Variants in DCLK1 observed in about 807,000 individuals in gnomAD.
The protein encoded by DCLK1 is serine/threonine-protein kinase DCLK1.
DCLK1 carries 16 observed loss-of-function variants against 86.2 expected under a neutral mutation model. The ratio of observed to expected loss-of-function variants is 0.19; its 90% confidence interval spans 0.13 to 0.28. The LOEUF (loss-of-function observed/expected upper bound fraction) is 0.28. Among genes scored for constraint, DCLK1 ranks in the 10% least tolerant of loss-of-function variants. The pLI, the probability that DCLK1 is intolerant of heterozygous loss-of-function variation, is 1.00. For missense variants in DCLK1, 590 were observed against 940.2 expected, an observed-to-expected ratio of 0.63 and a Z score of 4.87; for synonymous variants, 369 against 370.5, an observed-to-expected ratio of 1.00 and a Z score of 0.05.
rs188214071 is a variant in DCLK1 at position 35,958,782 on chromosome 13, C to A, written c.724-11325G>T. Among the ~76,000 whole-genome samples the A allele has an allele frequency of 1.1e-4, 16 of 152,276 alleles. No homozygotes were observed. In the East Asian group the frequency reaches 3.1e-3, roughly 29 times the overall value. On this transcript the variant is annotated intron_variant, in intron 3 of 16. Coordinates refer to ENST00000360631, the MANE Select transcript of DCLK1 (RefSeq NM_001330071.2). ...TTTAGGAATAAATTTACTTTTTTCA[C>A]CCATACTTAAATGCAGCTACTAAAG... is the stretch of plus-strand genomic sequence containing the variant.
intron 3 of DCLK1, among the ~76,000 whole-genome samples, chr13:35,987,041 GTATT>G (rs1214932637): frequency 2.0e-5 from 3 of 152,184 alleles, no homozygotes; most frequent in African/African-American, 7.2e-5. Context: ...GTGTAGAAAA[GTATT>G]TAAATTACCT....
chr13:36,094,153 C>T (rs577231928), intron 3 of DCLK1, among the ~76,000 whole-genome samples: 99 of 152,082 alleles, frequency 6.5e-4, no homozygotes, highest in Non-Finnish European at 1.2e-3. Flanking sequence ...CTTTTTTGAC[C>T]TGATATAAAT....
chr13:35,808,933 C>T, intron 13 of DCLK1, 85 bp downstream of exon 13: 1 of 1,159,920 alleles, frequency 8.6e-7, no homozygotes, highest in Non-Finnish European at 1.2e-6. Flanking sequence ...CTGCTGCAGG[C>T]TCCTTTGTGC....
chr13:36,095,013 G>A (rs756503443), intron 3 of DCLK1, among the ~76,000 whole-genome samples: 1 of 152,142 alleles, frequency 6.6e-6, no homozygotes, highest in South Asian at 2.1e-4. Context: ...AGAATTTCCA[G>A]CAAGTGACAG....
intron 3 of DCLK1, among the ~76,000 whole-genome samples, chr13:35,978,789 AGG>A (rs1879486806): frequency 6.6e-6 from 1 of 152,126 alleles, no homozygotes; most frequent in African/African-American, 2.4e-5. Context: ...TTTTTCTGTA[AGG>A]CCCCATTTCA....
chr13:35,834,911 C>G (rs1869244657), intron 8 of DCLK1, among the ~76,000 whole-genome samples: 1 of 152,184 alleles, frequency 6.6e-6, no homozygotes, highest in Non-Finnish European at 1.5e-5. Flanking sequence ...AAGGAGGACT[C>G]TGCTACCTGA....
At chr13:35,893,159 T>C (rs1873744066) in intron 4 of DCLK1, among the ~76,000 whole-genome samples, 1 of 152,216 alleles carries the variant, frequency 6.6e-6, no homozygotes, top group African/African-American at 2.4e-5. Context: ...ATCTGAGTAG[T>C]TTCCTTTAAG....
chr13:35,781,421 T>C (rs910230643), intron 16 of DCLK1, among the ~76,000 whole-genome samples: 5 of 152,216 alleles, frequency 3.3e-5, no homozygotes, highest in African/African-American at 1.2e-4. Context: ...ATATTCTTAA[T>C]ATCACCATCA....
chr13:35,774,795 C>CT (rs1249839694), intron 16 of DCLK1, 96 bp from the exon 17 acceptor site: 1 of 1,367,658 alleles, frequency 7.3e-7, no homozygotes, highest in Non-Finnish European at 9.9e-7. Context: ...AAAAAATACA[C>CT]TGGCCAAGTT....
At position 35,839,153 on chromosome 13, in the gene DCLK1, A is replaced by G; in HGVS notation, c.1059T>C (p.Ser353=). The part of the protein sequence containing the change: ...KQRSSQHGGS[S]TSLASTKVCS... ...AGACTTTGGTGGACGCAAGTGACGTAGAGGAGCCGCCATGCTGAGAGCTCT... is the reference window on the plus strand; with the variant it reads ...AGACTTTGGTGGACGCAAGTGACGTGGAGGAGCCGCCATGCTGAGAGCTCT... Residue 353 remains serine (S), a synonymous_variant, in exon 7 of 17, where the codon TCT becomes TCC. Transcript: ENST00000360631. The G allele has an allele frequency of 1.3e-6, 2 of 1,588,290 alleles. No homozygotes were observed. The highest frequency in any genetic ancestry group is 1.7e-6 in the Non-Finnish European group (2 of 1,167,372).
In DCLK1 at chr13:35,788,435, T is replaced by A; in HGVS notation, c.2058+4931A>T. The A allele has an allele frequency of 8.5e-6, 6 of 704,360 alleles. No homozygotes were observed. The South Asian group carries it at 1.2e-4, about 14-fold the overall frequency. 43.6% of individuals were successfully genotyped at this position (704,360 alleles called of 1,614,324 possible). A position where few individuals can be genotyped will look rare whatever the true frequency, so the allele number is the denominator to read the frequency against. ...AACTAGCTAATATCCTAAGTCTGCATACTGACAACAAAAAGGCAGGAAGTG... is the reference window on the plus strand; with the variant it reads ...AACTAGCTAATATCCTAAGTCTGCAAACTGACAACAAAAAGGCAGGAAGTG... On this transcript the variant is annotated intron_variant, in intron 16 of 16. Coordinates refer to ENST00000360631, the MANE Select transcript of DCLK1 (RefSeq NM_001330071.2).
intron 16 of DCLK1, among the ~76,000 whole-genome samples, chr13:35,789,518 C>T (rs1206071407): frequency 6.6e-6 from 1 of 152,164 alleles, no homozygotes; most frequent in Non-Finnish European, 1.5e-5. Flanking sequence ...TTGCCATCTA[C>T]AGGCAAAGTG....
intron 6 of DCLK1, chr13:35,845,968 A>C: frequency 1.0e-6 from 1 of 985,390 alleles, no homozygotes; most frequent in South Asian, 4.7e-5. Flanking sequence ...CTTCAAGAGG[A>C]ATAACATGGT....
intron 4 of DCLK1, among the ~76,000 whole-genome samples, chr13:35,938,390 G>A (rs1876889549): frequency 6.6e-6 from 1 of 152,132 alleles, no homozygotes; most frequent in Non-Finnish European, 1.5e-5. Context: ...AGCACTTTGG[G>A]AGGCCAAAGC....
intron 8 of DCLK1, among the ~76,000 whole-genome samples, chr13:35,833,752 G>C (rs1179193290): frequency 6.6e-6 from 1 of 152,182 alleles, no homozygotes; most frequent in African/African-American, 2.4e-5. Context: ...AACATTCTTA[G>C]CTCGCTTTTT....
At chr13:36,131,446 T>TC, upstream of DCLK1, 2 of 162,332 alleles carry the variant, frequency 1.2e-5, no homozygotes, top group South Asian at 1.4e-4. Flanking sequence ...CCCGTCTCCC[T>TC]CCTCCTCCTC....
intron 5 of DCLK1, among the ~76,000 whole-genome samples, chr13:35,865,277 T>G (rs966528017): frequency 6.6e-6 from 1 of 152,122 alleles, no homozygotes; most frequent in South Asian, 2.1e-4. Flanking sequence ...TACTTTTAAC[T>G]TATACATTTT....
intron 3 of DCLK1, among the ~76,000 whole-genome samples, chr13:35,951,403 A>C (rs1350842301): frequency 6.6e-6 from 1 of 150,646 alleles, no homozygotes; most frequent in Non-Finnish European, 1.5e-5. Context: ...TTCTTGAAAA[A>C]GGGCTTGTTC....
At chr13:35,924,726 T>G (rs1346357612) in intron 4 of DCLK1, among the ~76,000 whole-genome samples, 5 of 152,130 alleles carry the variant, frequency 3.3e-5, no homozygotes, top group Non-Finnish European at 7.4e-5. Flanking sequence ...TTTTCTGGAG[T>G]AGGGTCCATA....
Sources: gnomAD v4.1 joint callset for allele counts (sites outside exome capture counted in the v4.1 genomes callset) on GRCh38, gnomAD v4.1.1 for gene constraint, MANE v1.5 for transcripts, NCBI Gene and HGNC (gene_info 2026-07-23, HGNC 2026-07-21) for gene names.